Variants in BUB1 observed in about 807,000 individuals in gnomAD.
BUB1 encodes the protein mitotic checkpoint serine/threonine-protein kinase BUB1.
Under a neutral mutation model 135.2 loss-of-function variants are expected in BUB1, and 84 were observed. The ratio of observed to expected loss-of-function variants is 0.62; its 90% CI spans 0.52 to 0.74. The LOEUF is 0.74. Ranked by LOEUF, BUB1 falls within the 30% of genes least tolerant of loss-of-function variation. The pLI, the probability that BUB1 is intolerant of heterozygous loss-of-function variation, is 0.00. For synonymous variants in BUB1, 403 were observed against 434.4 expected (o/e 0.93, Z 0.90); for missense variants, 1,162 against 1,288.3 (o/e 0.90, Z 1.50).
At chr2:110,665,604 T>C (rs969168145) in intron 9 of BUB1, among the ~76,000 whole-genome samples, 1 of 151,120 alleles carries the variant, frequency 6.6e-6, no homozygotes, top group Admixed American at 6.6e-5. Flanking sequence ...TGTGTGTGTG[T>C]ATGCATACAT....
chr2:110,671,125 TA>T (rs1156626138), intron 4 of BUB1, among the ~76,000 whole-genome samples: 1 of 152,210 alleles, frequency 6.6e-6, no homozygotes, highest in East Asian at 1.9e-4. Context: ...GTGCACACTA[TA>T]AAGCAACCAA....
Position 110,672,795 on chromosome 2 carries a change from G to A in BUB1, c.288C>T (p.Thr96=). ...FEFLYNHGIG[T]LSSPLYIAWA... ...AGGCAATGTACAGAGGGGATGACAGGGTTCCAATCCCATGGTTGTACAGAA... is the reference window on the plus strand; with the variant it reads ...AGGCAATGTACAGAGGGGATGACAGAGTTCCAATCCCATGGTTGTACAGAA... The change falls in exon 4 of 25, where the codon ACC becomes ACT. Residue 96 remains threonine, a synonymous_variant. Transcript: ENST00000302759. 1 of 1,613,864 alleles carries A rather than the reference G, an allele frequency of 6.2e-7. No homozygotes were observed. Among genetic ancestry groups the A allele is most frequent in the Non-Finnish European group, 8.5e-7 (1 of 1,179,940 alleles).
chr2:110,641,287 GT>G lies in BUB1; in HGVS notation c.2783+19del. On this transcript the variant is annotated intron_variant, in intron 22 of 24. Transcript: ENST00000302759. ...ATGGAAATAGGAAGAGAAGAACCCTGTTAAAAGCATAACACTTGCCCGTTTC... is the reference window on the plus strand; with the variant it reads ...ATGGAAATAGGAAGAGAAGAACCCTGTAAAAGCATAACACTTGCCCGTTTC... 1 of 1,597,138 alleles carries G rather than the reference GT, an allele frequency of 6.3e-7. No individual in the cohort carries two copies.
At chr2:110,663,624 A>T (rs1035822458) in intron 9 of BUB1, among the ~76,000 whole-genome samples, 31 of 152,242 alleles carry the variant, frequency 2.0e-4, no homozygotes, top group African/African-American at 7.5e-4. Context: ...GGAGGCTAGG[A>T]GCGGTGTGTC....
chr2:110,641,277 G>C, intron 22 of BUB1, 30 bp downstream of exon 22: 1 of 1,592,550 alleles, frequency 6.3e-7, no homozygotes, highest in Non-Finnish European at 8.6e-7. Flanking sequence ...AATAGGAAGA[G>C]AAGAACCCTG....
rs5833370 is a variant in BUB1 at position 110,637,585 on chromosome 2, AGT to A, written c.*377_*378del. 0.021 allele frequency: 3,042 copies of A among 147,590 alleles called. 65 individuals carry two copies. Among genetic ancestry groups the A allele is most frequent in the African/African-American group, 0.049 (1,966 of 39,812 alleles). 9.1% of individuals were successfully genotyped at this position (147,590 alleles called of 1,614,324 possible). ...TGAAGTCCCTTGGAAATGTTAGGGA[AGT>A]GTGTGTGTGTGTGTGTGTGTGTGTG... On this transcript the variant is annotated 3_prime_UTR_variant, in exon 25 of 25. Coordinates refer to ENST00000302759, the MANE Select transcript of BUB1 (RefSeq NM_004336.5).
chr2:110,647,046 A>G (rs1461185315), intron 19 of BUB1, among the ~76,000 whole-genome samples: 1 of 152,220 alleles, frequency 6.6e-6, no homozygotes, highest in Non-Finnish European at 1.5e-5. Context: ...AGTAATTGAT[A>G]ACCTTCCAAA....
chr2:110,672,765 C>T lies in BUB1; in HGVS notation c.318G>A (p.Ala106=), dbSNP rs370559107. ...TLSSPLYIAW[A]GHLEAQGELQ... The stretch of plus-strand genomic sequence containing the variant: ...GCTCTCCTTGGGCTTCCAGATGCCC[C>T]GCCCAGGCAATGTACAGAGGGGATG... The change falls in exon 4 of 25, where the codon GCG becomes GCA. Residue 106 remains alanine (A), a synonymous_variant. Coordinates refer to ENST00000302759, the MANE Select transcript of BUB1 (RefSeq NM_004336.5). 3.1e-6 allele frequency: 5 copies of T among 1,613,954 alleles called. No homozygotes were observed. The African/African-American group carries it at 4.0e-5, about 13-fold the overall frequency.
intron 9 of BUB1, among the ~76,000 whole-genome samples, chr2:110,664,025 T>G (rs1341250634): frequency 1.2e-5 from 1 of 82,766 alleles, no homozygotes; most frequent in Non-Finnish European, 2.3e-5. Context: ...AGACTCCATC[T>G]CAAAAAAAAA....
chr2:110,641,946 C>A (rs1689517320), intron 20 of BUB1, 143 bp from the exon 21 acceptor site: 1 of 1,130,186 alleles, frequency 8.8e-7, no homozygotes, highest in Non-Finnish European at 1.3e-6. Context: ...GGGCTTGCTC[C>A]AAGACAATTT....
rs768046342 is a variant in BUB1 at position 110,657,084 on chromosome 2, G to A, written c.1650C>T (p.Ala550=). The A allele has an allele frequency of 3.1e-6, 5 of 1,613,280 alleles. No homozygotes were observed. Among genetic ancestry groups the A allele is most frequent in the South Asian group, 2.2e-5 (2 of 90,910 alleles). ...TGACAGAGCGTTCTCCAAAGGTCCT[G>A]GCTCCTGTGGGTTTATTTTTAGGCT... ...LPQPKNKPTG[A]RTFGERSVSR... is the part of the protein sequence containing the mutation. The change falls in exon 15 of 25, where the codon GCC becomes GCT. Residue 550 remains alanine, a synonymous_variant. Transcript: ENST00000302759.
In BUB1 at chr2:110,650,549, G is replaced by C. The variant is rs543760205; in HGVS notation, c.2200C>G (p.Pro734Ala). ...QMSSLGTVDA[P>A]NFIVGNPWDD... ...AACAAAGAGTGAGTGTTCGTACTTG[G>C]AGCATCAACAGTCCCAAGTGAACTC... is the stretch of plus-strand genomic sequence containing the variant. The change falls in exon 18 of 25, where the codon CCA becomes GCA. Residue 734 changes from proline (P) to alanine (A), a missense_variant. Physicochemically the swap from Pro to Ala is conservative, Grantham distance 27. Coordinates refer to ENST00000302759, the MANE Select transcript of BUB1 (RefSeq NM_004336.5). The C allele has an allele frequency of 2.5e-6, 4 of 1,612,970 alleles. No individual in the cohort carries two copies. In the South Asian group the frequency reaches 4.4e-5, roughly 18 times the overall value.
At chr2:110,641,514 A>C (rs1689503816) in intron 21 of BUB1, 50 bp from the exon 22 acceptor site, 1 of 1,566,844 alleles carries the variant, frequency 6.4e-7, no homozygotes, top group Non-Finnish European at 8.6e-7. Flanking sequence ...AAGATTAATA[A>C]AATTTCAAAT....
rs182769994 is a variant in BUB1, at chr2:110,662,783, C to T, written c.958-942G>A. 7.9e-4 allele frequency among the ~76,000 whole-genome samples: 120 copies of T among 151,866 alleles called. 2 individuals carry two copies. The highest frequency in any genetic ancestry group is 1.5e-4 in the Non-Finnish European group (10 of 67,902). On this transcript the variant is annotated intron_variant, in intron 9 of 24. Coordinates refer to ENST00000302759, the MANE Select transcript of BUB1 (RefSeq NM_004336.5). ...CACCACTGCATTCCAGCCTAGATGA[C>T]AGAGTGAGCCCCTGCCTCAAAACAC...
chr2:110,640,546 A>G (rs528770530), intron 23 of BUB1, among the ~76,000 whole-genome samples: 1 of 152,276 alleles, frequency 6.6e-6, no homozygotes, highest in East Asian at 1.9e-4. Context: ...CCATTTCTTG[A>G]TCTGGCCAGT....
chr2:110,662,979 G>T (rs986800566), intron 9 of BUB1, among the ~76,000 whole-genome samples: 2 of 152,116 alleles, frequency 1.3e-5, no homozygotes, highest in Non-Finnish European at 1.5e-5. Flanking sequence ...CAATTCTGAA[G>T]AAATATTCTG....
intron 11 of BUB1, among the ~76,000 whole-genome samples, chr2:110,659,214 T>C (rs1469828752): frequency 6.6e-6 from 1 of 152,194 alleles, no homozygotes; most frequent in African/African-American, 2.4e-5. Flanking sequence ...TTGCTGTGCT[T>C]AGAATATATC....
chr2:110,668,034 A>C (rs1364830568), intron 6 of BUB1, among the ~76,000 whole-genome samples, 185 bp from the exon 7 acceptor site: 4 of 152,150 alleles, frequency 2.6e-5, no homozygotes, highest in Non-Finnish European at 5.9e-5. Flanking sequence ...TACAATAACT[A>C]TTGTAACTTA....
At chr2:110,670,056 C>T (rs1690375552) in intron 5 of BUB1, among the ~76,000 whole-genome samples, 1 of 147,854 alleles carries the variant, frequency 6.8e-6, no homozygotes. Context: ...ATTTAGTGGG[C>T]ATTATGATGA....
Sources: gnomAD v4.1 joint callset for allele counts (sites outside exome capture counted in the v4.1 genomes callset) on GRCh38, gnomAD v4.1.1 for gene constraint, MANE v1.5 for transcripts, NCBI Gene and HGNC (gene_info 2026-07-23, HGNC 2026-07-21) for gene names.